SNED1: variants seen among roughly 807,000 people sequenced by gnomAD.
The protein encoded by SNED1 is sushi, nidogen and EGF-like domain-containing protein 1.
In SNED1, 81 loss-of-function variants were observed where a neutral mutation model predicts 166.7. The ratio of observed to expected loss-of-function variants is 0.49; its 90% CI spans 0.41 to 0.58. SNED1 has a LOEUF of 0.58. Among genes scored for constraint, SNED1 ranks in the 20% least tolerant of loss-of-function variants. The pLI is 0.00. For synonymous variants in SNED1, 762 were observed against 822.0 expected (o/e 0.93, Z 1.25); for missense variants, 1,604 against 2,000.2 (o/e 0.80, Z 3.78).
At chr2:241,037,441 T>C in intron 6 of SNED1, 88 bp downstream of exon 6, 3 of 919,776 alleles carry the variant, frequency 3.3e-6, no homozygotes, top group Non-Finnish European at 5.1e-6. Flanking sequence ...TCTTGGAAGG[T>C]CCAGCAGCTG....
At chr2:241,063,956 T>TC in intron 18 of SNED1, 56 bp from the exon 19 acceptor site, 1 of 1,290,468 alleles carries the variant, frequency 7.7e-7, no homozygotes, top group Admixed American at 2.1e-5. Context: ...TGTCCTCTCC[T>TC]CCCTCCCCCA....
At chr2:241,062,647 GA>G (rs2062277053) in intron 16 of SNED1, 143 bp from the exon 17 acceptor site, 1 of 701,160 alleles carries the variant, frequency 1.4e-6, no homozygotes, top group African/African-American at 1.8e-5. Context: ...CGACTCCAAG[GA>G]TATCCAGCCC....
At chr2:241,014,815 T>TGTG (rs1294790453) in intron 1 of SNED1, among the ~76,000 whole-genome samples, 2 of 152,190 alleles carry the variant, frequency 1.3e-5, no homozygotes, top group Non-Finnish European at 2.9e-5. Flanking sequence ...CGCAGGTCTC[T>TGTG]AATACACCTG....
At chr2:241,087,287 C>A in intron 29 of SNED1, 105 bp from the exon 30 acceptor site, 1 of 1,035,568 alleles carries the variant, frequency 9.7e-7, no homozygotes, top group South Asian at 1.8e-5. Flanking sequence ...GCAGTTTTTC[C>A]CTCAAACACC....
At chr2:241,039,980 T>TG in intron 6 of SNED1, 95 bp from the exon 7 acceptor site, 1 of 989,374 alleles carries the variant, frequency 1.0e-6, no homozygotes, top group Non-Finnish European at 1.5e-6. Context: ...GTAAGCCAGT[T>TG]GGGGGTGGGG....
chr2:241,040,123 A>C lies in SNED1; in HGVS notation c.1094A>C (p.Gln365Pro). 1 of 1,602,442 alleles carries C rather than the reference A, an allele frequency of 6.2e-7. No homozygotes were observed. The highest frequency in any genetic ancestry group is 8.5e-7 in the Non-Finnish European group (1 of 1,174,528). Residue 365 changes from glutamine to proline, a missense_variant, in exon 7 of 32, where the codon CAG becomes CCG. This residue lies in a region of SNED1 where 1,237 missense variants were observed against 1,620.8 expected (regional missense o/e 0.76). Coordinates refer to ENST00000310397, the MANE Select transcript of SNED1 (RefSeq NM_001080437.3). ...TKECQHGGQC[Q>P]VENGSAVCVC... ...GAGTGTCAACATGGTGGCCAGTGCC[A>C]GGTGGAGAATGGCTCTGCGGTGTGT... is the stretch of plus-strand genomic sequence containing the variant.
intron 1 of SNED1, among the ~76,000 whole-genome samples, chr2:241,023,137 ATATT>A (rs530044588): frequency 6.6e-6 from 1 of 152,040 alleles, no homozygotes; most frequent in African/African-American, 2.4e-5. Flanking sequence ...TTTGTTTAGT[ATATT>A]TACTTACTAT....
intron 21 of SNED1, 57 bp from the exon 22 acceptor site, chr2:241,067,707 G>A: frequency 6.8e-7 from 1 of 1,478,660 alleles, no homozygotes; most frequent in Non-Finnish European, 9.3e-7. Context: ...TTGAGCCCCT[G>A]CACTCCCCCA....
rs777110335 is a variant in SNED1 at position 241,069,876 on chromosome 2, C to T, written c.3308-44C>T. 2.7e-5 allele frequency: 43 copies of T among 1,591,352 alleles called. No homozygotes were observed. Among genetic ancestry groups the T allele is most frequent in the Non-Finnish European group, 3.5e-5 (41 of 1,168,760 alleles). ...TCAAACCGTGTTCTTGCCAGAAGAC[C>T]CTGTGGGCACCCCCTCACCTCTCCC... is the stretch of plus-strand genomic sequence containing the variant. On this transcript the variant is annotated intron_variant, in intron 23 of 31. Coordinates refer to ENST00000310397, the MANE Select transcript of SNED1 (RefSeq NM_001080437.3). This position sits in a 1 kb window ranked among gnomAD's most constrained non-coding sequence, Gnocchi z 4.9.
chr2:241,052,204 C>G, intron 14 of SNED1, 47 bp downstream of exon 14: 1 of 1,549,092 alleles, frequency 6.5e-7, no homozygotes, highest in Non-Finnish European at 8.9e-7. Flanking sequence ...GGTGAACCCT[C>G]TCTGCAGATG....
chr2:241,027,193 G>A (rs2060996378), intron 1 of SNED1, among the ~76,000 whole-genome samples: 2 of 151,914 alleles, frequency 1.3e-5, no homozygotes, highest in Admixed American at 6.6e-5. Flanking sequence ...TGATCCTTGT[G>A]CTTCAGCCTC....
chr2:241,012,738 G>A (rs955597092), intron 1 of SNED1, among the ~76,000 whole-genome samples: 14 of 151,718 alleles, frequency 9.2e-5, no homozygotes, highest in African/African-American at 2.4e-4. Flanking sequence ...CCCAGTTACC[G>A]TGTGTGTGCA....
At chr2:241,057,648 C>A (rs1248394946) in intron 16 of SNED1, among the ~76,000 whole-genome samples, 1 of 151,806 alleles carries the variant, frequency 6.6e-6, no homozygotes, top group Non-Finnish European at 1.5e-5. Flanking sequence ...CATGCCACTG[C>A]CCTCCAGCCT....
chr2:241,053,263 GC>G lies in SNED1; in HGVS notation c.2199del (p.Ser734AlafsTer134). The G allele has an allele frequency of 6.2e-7, 1 of 1,602,158 alleles. No homozygotes were observed. Among genetic ancestry groups the G allele is most frequent in the Non-Finnish European group, 8.5e-7 (1 of 1,174,772 alleles). ...ATGTGACCGTGGCTACAGCCTGAGC[GC>G]CCCCAGCCGCATCCGGGTCTGCCAG... ...YACDRGYSLS[A>X]PSRIRVCQPH... On this transcript the variant is annotated frameshift_variant, in exon 16 of 32. Transcript: ENST00000310397. LOFTEE classifies it high-confidence loss of function.
chr2:241,004,241 CAGCA>C (rs949618485), intron 1 of SNED1, among the ~76,000 whole-genome samples: 1 of 152,238 alleles, frequency 6.6e-6, no homozygotes, highest in African/African-American at 2.4e-5. Context: ...GTGAAATCTT[CAGCA>C]AAACCCTTAC....
chr2:241,032,327 G>A (rs1009471025), intron 2 of SNED1, among the ~76,000 whole-genome samples: 3 of 152,056 alleles, frequency 2.0e-5, no homozygotes, highest in Admixed American at 6.5e-5. Context: ...TCCGGCCTGG[G>A]TGACAGAGGG....
chr2:241,011,620 A>G (rs2060406890), intron 1 of SNED1, among the ~76,000 whole-genome samples: 1 of 152,228 alleles, frequency 6.6e-6, no homozygotes, highest in Non-Finnish European at 1.5e-5. Context: ...ACAAGGTGCT[A>G]TAGCAAGTAG....
At chr2:241,007,165 A>T (rs2060243485) in intron 1 of SNED1, among the ~76,000 whole-genome samples, 1 of 152,204 alleles carries the variant, frequency 6.6e-6, no homozygotes, top group Non-Finnish European at 1.5e-5. Flanking sequence ...ATGAGAGAAT[A>T]TCCTTGTTGA....
chr2:241,088,498 T>A, intron 31 of SNED1, 96 bp downstream of exon 31: 1 of 989,280 alleles, frequency 1.0e-6, no homozygotes, highest in Non-Finnish European at 1.6e-6. Context: ...GCTGCCTGCT[T>A]ACTCAGCACT....
Sources: allele counts gnomAD v4.1 joint callset (sites outside exome capture counted in the v4.1 genomes callset), GRCh38; gene constraint gnomAD v4.1.1; regional missense constraint gnomAD v4.1.1; non-coding constraint Gnocchi (gnomAD v3.1); transcripts MANE v1.5; gene names NCBI Gene and HGNC (gene_info 2026-07-23, HGNC 2026-07-21).